The following SMIM36 variants were observed in gnomAD, a reference collection of about 807,000 sequenced individuals.
SMIM36 encodes the protein small integral membrane protein 36.
intron 1 of SMIM36, among the ~76,000 whole-genome samples, chr17:55,494,811 C>T (rs1909780524): frequency 6.6e-6 from 1 of 152,022 alleles, no homozygotes; most frequent in African/African-American, 2.4e-5. Flanking sequence ...CACACACAGG[C>T]ACACACGCAC....
rs2144725315 is a variant in SMIM36 at position 55,511,140 on chromosome 17, T to C, written c.195A>G (p.Pro65=). 1.8e-5 allele frequency: 7 copies of C among 398,580 alleles called. No homozygotes were observed. The East Asian group carries it at 2.5e-4, about 14-fold the overall frequency. 24.7% of individuals were successfully genotyped at this position (398,580 alleles called of 1,614,324 possible). A position where few individuals can be genotyped will look rare whatever the true frequency, so the allele number is the denominator to read the frequency against. ...TTGGCCAGTGGGGCCCAGCGACACT[T>C]GGGTGCATCACCACCAACCGGATGG... The change falls in exon 1 of 5, where the codon CCA becomes CCG. Residue 65 remains proline, a synonymous_variant. Transcript: ENST00000636752.
intron 1 of SMIM36, among the ~76,000 whole-genome samples, chr17:55,491,329 G>A (rs1909702483): frequency 6.7e-6 from 1 of 149,312 alleles, no homozygotes; most frequent in Admixed American, 6.7e-5. Flanking sequence ...TCACACAAAT[G>A]CTACTAGAGG....
intron 1 of SMIM36, among the ~76,000 whole-genome samples, chr17:55,485,788 C>A (rs12950992): frequency 0.35 from 53,515 of 151,946 alleles, 9,782 homozygotes; most frequent in Middle Eastern, 0.44. Flanking sequence ...GTTATCATTC[C>A]CATCTTACGT....
chr17:55,514,566 CT>C (rs1364535879), upstream of SMIM36, among the ~76,000 whole-genome samples: 1 of 152,202 alleles, frequency 6.6e-6, no homozygotes, highest in African/African-American at 2.4e-5. Flanking sequence ...CTCTCACCCT[CT>C]CATCTCTCTT....
exon 4 of SMIM36, chr17:55,467,291 T>C (rs185509808): frequency 1.3e-5 from 2 of 152,306 alleles, no homozygotes; most frequent in East Asian, 3.9e-4. Flanking sequence ...TTATTAGCTG[T>C]CAGTCTAATT....
intron 3 of SMIM36, among the ~76,000 whole-genome samples, chr17:55,469,315 A>C (rs1567864299): frequency 6.6e-6 from 1 of 152,304 alleles, no homozygotes; most frequent in East Asian, 1.9e-4. Context: ...GGCATAGTCA[A>C]GGTTAATGCT....
At chr17:55,510,901 AAAG>A (rs1910169257) in exon 1 of SMIM36, 1 of 390,704 alleles carries the variant, frequency 2.6e-6, no homozygotes, top group South Asian at 1.4e-4. Context: ...CTTTTGTCAC[AAAG>A]AAGGTGACGA....
At chr17:55,530,507 G>A in the SMIM36 span, among the ~76,000 whole-genome samples, 1 of 152,142 alleles carries the variant, frequency 6.6e-6, no homozygotes, top group Admixed American at 6.5e-5. Context: ...AGGAGAGGCT[G>A]GGCGCGGTGG....
At chr17:55,497,914 T>C (rs2032537831) in intron 1 of SMIM36, among the ~76,000 whole-genome samples, 1 of 152,188 alleles carries the variant, frequency 6.6e-6, no homozygotes, top group African/African-American at 2.4e-5. Flanking sequence ...ACATTCCTTT[T>C]AGATACTGAA....
intron 1 of SMIM36, among the ~76,000 whole-genome samples, chr17:55,486,015 C>T (rs1018478287): frequency 1.5e-5 from 2 of 130,702 alleles, no homozygotes; most frequent in Non-Finnish European, 3.3e-5. Flanking sequence ...AAAGAAAGAG[C>T]TTTCTTTTTT....
chr17:55,455,665 C>T (rs1175906348), intron 4 of SMIM36, among the ~76,000 whole-genome samples: 2 of 151,936 alleles, frequency 1.3e-5, no homozygotes, highest in African/African-American at 4.8e-5. Flanking sequence ...GTGGAGCATG[C>T]CTGTGGTTTC....
intron 3 of SMIM36, among the ~76,000 whole-genome samples, chr17:55,476,522 A>G (rs1909429120): frequency 6.6e-6 from 1 of 151,962 alleles, no homozygotes; most frequent in Non-Finnish European, 1.5e-5. Flanking sequence ...AGGCCAATAC[A>G]GATTTGCCTG....
chr17:55,477,646 C>G (rs971201415), intron 3 of SMIM36, among the ~76,000 whole-genome samples: 1 of 152,126 alleles, frequency 6.6e-6, no homozygotes, highest in African/African-American at 2.4e-5. Flanking sequence ...AGGAGTCACA[C>G]AGATCTGGGT....
intron 3 of SMIM36, among the ~76,000 whole-genome samples, chr17:55,470,387 G>A (rs1479426491): frequency 6.6e-6 from 1 of 152,158 alleles, no homozygotes; most frequent in Non-Finnish European, 1.5e-5. Flanking sequence ...TACAGTGGGA[G>A]GGTAAGTCTG....
the SMIM36 span, among the ~76,000 whole-genome samples, chr17:55,518,633 G>A: frequency 6.6e-6 from 1 of 152,140 alleles, no homozygotes; most frequent in Non-Finnish European, 1.5e-5. Context: ...TAATTTTGAG[G>A]AGTTTGGTTG....
the SMIM36 span, among the ~76,000 whole-genome samples, chr17:55,522,256 T>G: frequency 6.6e-6 from 1 of 152,240 alleles, no homozygotes; most frequent in Non-Finnish European, 1.5e-5. Context: ...CTCCTCCGAT[T>G]ATCTGCATAG....
chr17:55,521,655 G>A, the SMIM36 span, among the ~76,000 whole-genome samples: 2 of 151,058 alleles, frequency 1.3e-5, no homozygotes, highest in South Asian at 2.1e-4. Context: ...GGACATGCGT[G>A]GATTTTAGAT....
At chr17:55,489,053 G>T (rs2144706998) in intron 1 of SMIM36, among the ~76,000 whole-genome samples, 1 of 152,164 alleles carries the variant, frequency 6.6e-6, no homozygotes, top group Non-Finnish European at 1.5e-5. Context: ...TGTACAATAG[G>T]GAAACTGCAG....
the SMIM36 span, among the ~76,000 whole-genome samples, chr17:55,519,324 T>A: frequency 1.3e-5 from 2 of 152,134 alleles, no homozygotes; most frequent in East Asian, 3.9e-4. Context: ...CACCAAAACC[T>A]GTACACTGGG....
Sources: allele counts gnomAD v4.1 joint callset (sites outside exome capture counted in the v4.1 genomes callset), GRCh38; gene constraint gnomAD v4.1.1; transcripts MANE v1.5; gene names NCBI Gene and HGNC (gene_info 2026-07-23, HGNC 2026-07-21).